Variants in DSCAM observed in about 807,000 individuals in gnomAD.
The protein encoded by DSCAM is DS cell adhesion molecule, also known as cell adhesion molecule DSCAM.
In DSCAM, 47 loss-of-function variants were observed where a neutral mutation model predicts 217.7. The observed-to-expected ratio is 0.22, with a 90% CI of 0.17 to 0.28. The LOEUF is 0.28. Among genes scored for constraint, DSCAM ranks in the 10% least tolerant of loss-of-function variants. The pLI is 1.00. For missense variants in DSCAM, 2,080 were observed against 2,618.3 expected, an observed-to-expected ratio of 0.79 and a Z score of 4.49; for synonymous variants, 1,056 against 1,015.3, an observed-to-expected ratio of 1.04 and a Z score of -0.76.
intron 3 of DSCAM, among the ~76,000 whole-genome samples, chr21:40,675,950 T>G (rs2090332878): frequency 6.6e-6 from 1 of 152,214 alleles, no homozygotes; most frequent in Non-Finnish European, 1.5e-5. Context: ...CCACTATTAG[T>G]AAAAAGCAGC....
At chr21:40,114,802 C>T (rs1036823644) in intron 20 of DSCAM, among the ~76,000 whole-genome samples, 14 of 152,198 alleles carry the variant, frequency 9.2e-5, no homozygotes, top group South Asian at 2.1e-4. Context: ...AGCCAAAAGA[C>T]ACATGACAAA....
chr21:40,276,606 A>C (rs1475467256), intron 10 of DSCAM, among the ~76,000 whole-genome samples: 1 of 152,144 alleles, frequency 6.6e-6, no homozygotes, highest in African/African-American at 2.4e-5. Flanking sequence ...GAAGCAGACA[A>C]CTCTCATGGT....
intron 1 of DSCAM, among the ~76,000 whole-genome samples, chr21:40,749,537 T>C (rs1384190118): frequency 2.0e-5 from 3 of 152,104 alleles, no homozygotes; most frequent in Admixed American, 1.3e-4. Flanking sequence ...CCCTTCACCT[T>C]AGAATGGTTA....
chr21:40,458,963 A>G (rs4818133), intron 3 of DSCAM, among the ~76,000 whole-genome samples: 50,778 of 151,628 alleles, frequency 0.33, 9,167 homozygotes, highest in African/African-American at 0.45. Context: ...ACCTAGGTAA[A>G]ATGTTAAAAG....
intron 1 of DSCAM, among the ~76,000 whole-genome samples, chr21:40,736,251 G>A (rs1172706184): frequency 6.6e-6 from 1 of 152,038 alleles, no homozygotes; most frequent in African/African-American, 2.4e-5. Context: ...ACCCACCCAG[G>A]AGCTCTCCTC....
intron 3 of DSCAM, among the ~76,000 whole-genome samples, chr21:40,498,735 G>GTATA (rs1247580828): frequency 1.0e-3 from 17 of 16,846 alleles, no homozygotes; most frequent in East Asian, 3.8e-3. Context: ...ATGGGTGTGT[G>GTATA]TATATATATA....
intron 8 of DSCAM, 27 bp from the exon 9 acceptor site, chr21:40,312,386 G>A (rs369899755): frequency 4.9e-5 from 78 of 1,607,380 alleles, no homozygotes; most frequent in Middle Eastern, 3.3e-4. Flanking sequence ...AGATAATAAC[G>A]AACTGTGCTT....
At chr21:40,736,444 C>T (rs545472569) in intron 1 of DSCAM, among the ~76,000 whole-genome samples, 1 of 152,268 alleles carries the variant, frequency 6.6e-6, no homozygotes, top group South Asian at 2.1e-4. Flanking sequence ...ATATCACAGG[C>T]TGGGCAGCTC....
intron 9 of DSCAM, among the ~76,000 whole-genome samples, chr21:40,301,744 G>A (rs2074018667): frequency 1.3e-5 from 2 of 152,052 alleles, no homozygotes; most frequent in African/African-American, 4.8e-5. Flanking sequence ...AAAGCACTCT[G>A]CAACTATGCG....
At chr21:40,617,638 A>G (rs1336897183) in intron 3 of DSCAM, among the ~76,000 whole-genome samples, 3 of 152,222 alleles carry the variant, frequency 2.0e-5, no homozygotes, top group Non-Finnish European at 4.4e-5. Context: ...GCATCATAGT[A>G]TGCGTAAGCA....
intron 3 of DSCAM, among the ~76,000 whole-genome samples, chr21:40,385,804 A>C (rs1262808151): frequency 6.6e-6 from 1 of 152,052 alleles, no homozygotes; most frequent in African/African-American, 2.4e-5. Flanking sequence ...TATTTTTTTA[A>C]GAAGAAAAAT....
chr21:40,132,228 T>G lies in DSCAM; in HGVS notation c.3562+1626A>C, dbSNP rs561537426. Among the ~76,000 whole-genome samples the G allele has an allele frequency of 7.9e-5, 12 of 152,320 alleles. No homozygotes were observed. In the South Asian group the frequency reaches 2.3e-3, roughly 29 times the overall value. On this transcript the variant is annotated intron_variant, in intron 19 of 32. Coordinates refer to ENST00000400454, the MANE Select transcript of DSCAM (RefSeq NM_001389.5). ...GCAAGCAGGTGTTTTCAGACACCAC[T>G]TCAGCTCTCATACACTGGTTCTGTG...
intron 8 of DSCAM, among the ~76,000 whole-genome samples, chr21:40,329,568 C>T (rs1460812555): frequency 4.6e-5 from 7 of 151,232 alleles, no homozygotes; most frequent in African/African-American, 1.2e-4. Context: ...GAGCCGAGAT[C>T]GCGCCACTGC....
chr21:40,302,857 T>C (rs1168200728), intron 9 of DSCAM, among the ~76,000 whole-genome samples: 1 of 152,158 alleles, frequency 6.6e-6, no homozygotes, highest in Non-Finnish European at 1.5e-5. Flanking sequence ...TTTGTGTGTG[T>C]TGGTGGGGGG....
In DSCAM at chr21:40,013,378, T is replaced by C. The variant is rs2088098327; in HGVS notation, c.5695A>G (p.Ile1899Val). The change falls in exon 33 of 33, where the codon ATA becomes GTA. Residue 1899 changes from isoleucine (I) to valine (V), a missense_variant. Ile to Val is a conservative substitution (Grantham distance 29). Around this residue, in one of 5 missense-constraint regions of DSCAM, gnomAD observed 145 missense variants for 138.5 expected, o/e 1.05. Transcript: ENST00000400454. ...ATTCTAAGGTATGGAGGCAAATGTA[T>C]GAGGTCACCTAGAAGGAAAGACAGG... ...VPKAHRPGDLIHLPPYLRMDF... is the reference protein window; with the variant it reads ...VPKAHRPGDLVHLPPYLRMDF... 3 of 1,552,382 alleles carry C rather than the reference T, an allele frequency of 1.9e-6. No homozygotes were observed. The highest frequency in any genetic ancestry group is 1.7e-6 in the Non-Finnish European group (2 of 1,150,196).
At chr21:40,073,640 T>C (rs1049192578) in intron 27 of DSCAM, among the ~76,000 whole-genome samples, 6 of 152,218 alleles carry the variant, frequency 3.9e-5, no homozygotes, top group Non-Finnish European at 8.8e-5. Flanking sequence ...TTGGGATTAA[T>C]CCGTCCTTCT....
At chr21:40,774,754 C>A (rs2091474054) in intron 1 of DSCAM, among the ~76,000 whole-genome samples, 1 of 151,962 alleles carries the variant, frequency 6.6e-6, no homozygotes, top group Non-Finnish European at 1.5e-5. Flanking sequence ...ACTTCATCAT[C>A]ACTTACTTCT....
In DSCAM at chr21:40,707,740, T is replaced by C. The variant is rs574346223; in HGVS notation, c.361+714A>G. Reference sequence around the variant, plus strand: ...CTGTTTGCTAACAGGAGTCTAGCTGTGAGTTTGTTTTGCAGGGCTTTGTTA... The same window carrying C: ...CTGTTTGCTAACAGGAGTCTAGCTGCGAGTTTGTTTTGCAGGGCTTTGTTA... On this transcript the variant is annotated intron_variant, in intron 2 of 32. Coordinates refer to ENST00000400454, the MANE Select transcript of DSCAM (RefSeq NM_001389.5). Among the ~76,000 whole-genome samples the C allele has an allele frequency of 3.3e-5, 5 of 152,362 alleles. No homozygotes were observed. The South Asian group carries it at 1.0e-3, about 32-fold the overall frequency.
At chr21:40,598,441 G>T (rs757995956) in intron 3 of DSCAM, among the ~76,000 whole-genome samples, 1 of 150,444 alleles carries the variant, frequency 6.6e-6, no homozygotes, top group Non-Finnish European at 1.5e-5. Context: ...GCCAAGAAGC[G>T]TGATTGCTGG....
Sources: allele counts gnomAD v4.1 joint callset (sites outside exome capture counted in the v4.1 genomes callset), GRCh38; gene constraint gnomAD v4.1.1; regional missense constraint gnomAD v4.1.1; transcripts MANE v1.5; gene names NCBI Gene and HGNC (gene_info 2026-07-23, HGNC 2026-07-21).